FYN: variants seen among roughly 807,000 people sequenced by gnomAD.
FYN encodes FYN proto-oncogene, Src family tyrosine kinase.
Under a neutral mutation model 70.2 loss-of-function variants are expected in FYN, and 10 were observed. The ratio of observed to expected loss-of-function variants is 0.14; its 90% confidence interval spans 0.09 to 0.24. The LOEUF (loss-of-function observed/expected upper bound fraction) is 0.24, where lower values mean the gene tolerates loss of function less well. FYN is among the 10% of genes least tolerant of loss of function. The pLI is 1.00. For missense variants in FYN, 319 were observed against 673.1 expected (o/e 0.47, Z 5.82); for synonymous variants, 236 against 248.6 (o/e 0.95, Z 0.48).
At chr6:111,710,184 A>G (rs1800301488) in intron 5 of FYN, among the ~76,000 whole-genome samples, 4 of 152,162 alleles carry the variant, frequency 2.6e-5, no homozygotes, top group African/African-American at 7.2e-5. Context: ...CTTGTAGCAG[A>G]GGCTTATTGT....
At chr6:111,843,235 C>T (rs558916637) in intron 2 of FYN, among the ~76,000 whole-genome samples, 1 of 152,330 alleles carries the variant, frequency 6.6e-6, no homozygotes, top group East Asian at 1.9e-4. Flanking sequence ...AACCTCTCTC[C>T]TCAGCCCTTT....
chr6:111,851,759 T>A (rs1490418541), intron 1 of FYN, among the ~76,000 whole-genome samples: 2 of 152,016 alleles, frequency 1.3e-5, no homozygotes, highest in East Asian at 3.9e-4. Flanking sequence ...GTAAGCAACA[T>A]AAATGAATAA....
In FYN at chr6:111,767,089, C is replaced by G. The variant is rs146952020; in HGVS notation, c.-12+13477G>C. 4.6e-3 allele frequency among the ~76,000 whole-genome samples: 696 copies of G among 152,322 alleles called. 5 individuals carry two copies. The highest frequency in any genetic ancestry group is 0.016 in the African/African-American group (658 of 41,568). On this transcript the variant is annotated intron_variant, in intron 3 of 13. Transcript: ENST00000354650. ...ATAAACAGCTGCTCTCAAATAACCTCTGCTCCCCAAATCCAACAAGATCAC... is the reference window on the plus strand; with the variant it reads ...ATAAACAGCTGCTCTCAAATAACCTGTGCTCCCCAAATCCAACAAGATCAC...
intron 12 of FYN, among the ~76,000 whole-genome samples, chr6:111,688,395 G>A (rs996822375): frequency 1.3e-4 from 20 of 152,216 alleles, no homozygotes; most frequent in Admixed American, 1.3e-3. Context: ...TTCCCAGAGA[G>A]AGCCATGCAC....
At chr6:111,674,714 C>G (rs1798456531) in intron 12 of FYN, 84 bp from the exon 13 acceptor site, 2 of 1,465,302 alleles carry the variant, frequency 1.4e-6, no homozygotes, top group African/African-American at 2.8e-5. Context: ...ACTTGGCAAG[C>G]TACTTTCCTG....
chr6:111,764,126 C>T (rs1208747052), intron 3 of FYN, among the ~76,000 whole-genome samples: 1 of 141,546 alleles, frequency 7.1e-6, no homozygotes, highest in Non-Finnish European at 1.5e-5. Context: ...CAGTAGGCTA[C>T]ACTGTTTACT....
In FYN at chr6:111,834,362, TA is replaced by T. The variant is rs1293733333; in HGVS notation, c.-82+12226del. Reference sequence around the variant, plus strand: ...ACCTATTCCTTTGTATGCCTCATATTAAAAAAAATTCTTATGTTACCCTGAG... The same window carrying T: ...ACCTATTCCTTTGTATGCCTCATATTAAAAAAATTCTTATGTTACCCTGAG... On this transcript the variant is annotated intron_variant, in intron 2 of 13. Transcript: ENST00000354650. 4.6e-5 allele frequency among the ~76,000 whole-genome samples: 7 copies of T among 152,062 alleles called. No homozygotes were observed. In the East Asian group the frequency reaches 1.2e-3, roughly 25 times the overall value.
intron 12 of FYN, among the ~76,000 whole-genome samples, chr6:111,693,316 T>C (rs1435460009): frequency 6.6e-6 from 1 of 152,130 alleles, no homozygotes; most frequent in African/African-American, 2.4e-5. Context: ...CTGTAATACA[T>C]TCCAGTCACT....
chr6:111,671,737 T>C (rs1798280830), intron 13 of FYN, among the ~76,000 whole-genome samples: 2 of 152,044 alleles, frequency 1.3e-5, no homozygotes, highest in African/African-American at 4.8e-5. Context: ...CACCAACAAA[T>C]AGCAAGAATG....
chr6:111,726,518 T>C (rs1037360968), intron 3 of FYN, among the ~76,000 whole-genome samples: 3 of 152,158 alleles, frequency 2.0e-5, no homozygotes, highest in Non-Finnish European at 2.9e-5. Flanking sequence ...ATGTCAGTCA[T>C]AGAGATGGGA....
chr6:111,867,353 G>A (rs562204515), intron 1 of FYN, among the ~76,000 whole-genome samples: 251 of 151,368 alleles, frequency 1.7e-3, no homozygotes, highest in African/African-American at 5.6e-3. Flanking sequence ...TACTCGGGAG[G>A]CTGAGGCAGG....
At chr6:111,725,920 G>A (rs948210933) in intron 3 of FYN, among the ~76,000 whole-genome samples, 3 of 152,198 alleles carry the variant, frequency 2.0e-5, no homozygotes, top group African/African-American at 7.2e-5. Context: ...GGGTGGACCT[G>A]ACCTAATCAG....
At chr6:111,747,214 T>G (rs1802267147) in intron 3 of FYN, among the ~76,000 whole-genome samples, 1 of 152,282 alleles carries the variant, frequency 6.6e-6, no homozygotes, top group South Asian at 2.1e-4. Flanking sequence ...CAGTTTCCTA[T>G]GAGATACTTG....
At chr6:111,675,620 T>A (rs1465009967) in intron 12 of FYN, among the ~76,000 whole-genome samples, 1 of 151,684 alleles carries the variant, frequency 6.6e-6, no homozygotes, top group Non-Finnish European at 1.5e-5. Context: ...GGGTGAAACC[T>A]CGTCTCTACT....
intron 2 of FYN, among the ~76,000 whole-genome samples, chr6:111,786,838 T>G (rs1405866316): frequency 6.6e-6 from 1 of 152,272 alleles, no homozygotes; most frequent in Non-Finnish European, 1.5e-5. Context: ...TTTTTTCATG[T>G]GTCTGTTGGC....
chr6:111,716,736 G>C (rs1367455727), intron 4 of FYN, among the ~76,000 whole-genome samples: 1 of 149,340 alleles, frequency 6.7e-6, no homozygotes, highest in African/African-American at 2.5e-5. Flanking sequence ...TTTTGTACCC[G>C]ATTGAAAAAA....
At chr6:111,764,229 AAAAG>A (rs1359683222) in intron 3 of FYN, among the ~76,000 whole-genome samples, 6 of 114,086 alleles carry the variant, frequency 5.3e-5, no homozygotes, top group Admixed American at 2.4e-4. Context: ...AAAAAAAAAA[AAAAG>A]AAAAGAAAAA....
chr6:111,827,027 C>A (rs1410796826), intron 2 of FYN, among the ~76,000 whole-genome samples: 1 of 152,156 alleles, frequency 6.6e-6, no homozygotes. Flanking sequence ...AGAGCTCTTT[C>A]CAGCTCATCT....
intron 2 of FYN, among the ~76,000 whole-genome samples, chr6:111,805,420 T>C (rs991040185): frequency 6.6e-6 from 1 of 152,248 alleles, no homozygotes; most frequent in Non-Finnish European, 1.5e-5. Flanking sequence ...CAAATTTAAC[T>C]GGGTGTCCTA....
Sources: allele counts gnomAD v4.1 joint callset (sites outside exome capture counted in the v4.1 genomes callset), GRCh38; gene constraint gnomAD v4.1.1; transcripts MANE v1.5; gene names NCBI Gene and HGNC (gene_info 2026-07-23, HGNC 2026-07-21).